PARD3B: variants seen among roughly 807,000 people sequenced by gnomAD.
The protein encoded by PARD3B is par-3 family cell polarity regulator beta, also known as partitioning defective 3 homolog B.
In PARD3B, 103 loss-of-function variants were observed where a neutral mutation model predicts 130.2. The observed-to-expected ratio is 0.79, with a 90% CI of 0.67 to 0.93. The LOEUF is 0.93. Ranked by LOEUF, PARD3B falls within the 40% of genes least tolerant of loss-of-function variation. The pLI, the probability that PARD3B is intolerant of heterozygous loss-of-function variation, is 0.00. For missense variants in PARD3B, 1,609 were observed against 1,499.2 expected, an observed-to-expected ratio of 1.07 and a Z score of -1.21; for synonymous variants, 583 against 553.2, an observed-to-expected ratio of 1.05 and a Z score of -0.76.
intron 18 of PARD3B, among the ~76,000 whole-genome samples, chr2:205,355,332 G>A (rs747658284): frequency 7.9e-5 from 12 of 152,136 alleles, no homozygotes; most frequent in Non-Finnish European, 1.2e-4. Flanking sequence ...GGATAAAAAA[G>A]TTTTGAACCA....
chr2:204,646,543 T>C (rs542901972), intron 1 of PARD3B, among the ~76,000 whole-genome samples: 1 of 152,196 alleles, frequency 6.6e-6, no homozygotes, highest in East Asian at 1.9e-4. Context: ...TGACCATTTG[T>C]GTTGTTTCTA....
At chr2:204,883,927 C>T (rs1001156673) in intron 2 of PARD3B, among the ~76,000 whole-genome samples, 7 of 151,506 alleles carry the variant, frequency 4.6e-5, no homozygotes, top group South Asian at 2.1e-4. Flanking sequence ...TTAGTAGAGA[C>T]GGGGTTTTAC....
rs1341417577 is a variant in PARD3B at position 205,352,302 on chromosome 2, A to G, written c.2631-48711A>G. 2.0e-5 allele frequency among the ~76,000 whole-genome samples: 3 copies of G among 152,202 alleles called. No individual in the cohort carries two copies. The highest frequency in any genetic ancestry group is 4.4e-5 in the Non-Finnish European group (3 of 68,032). ...TCTTTTCACTGTACAGTTATGGATT[A>G]TCTTTGCTGGCTGGATATTTATTTC... On this transcript the variant is annotated intron_variant, in intron 18 of 22. Transcript: ENST00000406610. This position sits in a 1 kb window ranked among gnomAD's most constrained non-coding sequence, Gnocchi z 5.2.
At chr2:205,184,874 A>T (rs2036005010) in intron 13 of PARD3B, among the ~76,000 whole-genome samples, 1 of 152,114 alleles carries the variant, frequency 6.6e-6, no homozygotes, top group African/African-American at 2.4e-5. Context: ...TGAGGCTTGG[A>T]GAAGTTGAGT....
chr2:205,228,376 T>A (rs756395198), intron 15 of PARD3B, among the ~76,000 whole-genome samples: 16 of 152,216 alleles, frequency 1.1e-4, no homozygotes, highest in Non-Finnish European at 2.2e-4. Flanking sequence ...GATATACTAT[T>A]CTAGAATAAA....
rs545409790 is a variant in PARD3B, at chr2:205,290,737, A to G, written c.2186-9793A>G. On this transcript the variant is annotated intron_variant, in intron 16 of 22. Coordinates refer to ENST00000406610, the MANE Select transcript of PARD3B (RefSeq NM_001302769.2). The stretch of plus-strand genomic sequence containing the variant: ...ATGTTTGTTTCCCCCAAAAAATCAT[A>G]CATTGAAATCCTATACCACAATATG... Among the ~76,000 whole-genome samples, 32 of 152,334 alleles carry G rather than the reference A, an allele frequency of 2.1e-4. No individual in the cohort carries two copies. In the South Asian group the frequency reaches 6.6e-3, roughly 32 times the overall value.
intron 2 of PARD3B, among the ~76,000 whole-genome samples, chr2:204,713,634 C>A (rs1283725218): frequency 1.3e-5 from 2 of 152,036 alleles, no homozygotes; most frequent in Non-Finnish European, 2.9e-5. Context: ...ATTCTAAGTA[C>A]CTCATATAAG....
chr2:205,224,397 G>GAAAGAA (rs1221276415), intron 15 of PARD3B, among the ~76,000 whole-genome samples: 10 of 117,386 alleles, frequency 8.5e-5, no homozygotes, highest in South Asian at 5.5e-4. Flanking sequence ...AAGAAAGAAA[G>GAAAGAA]AAAGAAAAAG....
At chr2:204,772,145 C>T (rs2041414339) in intron 2 of PARD3B, among the ~76,000 whole-genome samples, 2 of 151,974 alleles carry the variant, frequency 1.3e-5, no homozygotes, top group South Asian at 4.1e-4. Context: ...TTGCTTACAA[C>T]AGTAGTTATT....
intron 1 of PARD3B, among the ~76,000 whole-genome samples, chr2:204,640,914 ATT>A (rs1326456594): frequency 6.8e-6 from 1 of 147,960 alleles, no homozygotes; most frequent in African/African-American, 2.5e-5. Context: ...TTATATATAT[ATT>A]TACTATATAT....
intron 5 of PARD3B, among the ~76,000 whole-genome samples, chr2:205,106,440 C>T (rs905939668): frequency 6.6e-6 from 1 of 151,998 alleles, no homozygotes; most frequent in Non-Finnish European, 1.5e-5. Context: ...TGAGCTACCA[C>T]GCCCGGCCAA....
At chr2:205,375,594 G>T (rs1401510677) in intron 18 of PARD3B, among the ~76,000 whole-genome samples, 1 of 152,160 alleles carries the variant, frequency 6.6e-6, no homozygotes. Context: ...GTCAGTAGGA[G>T]ACTTTTGGAA....
Position 205,121,745 on chromosome 2 carries a change from C to T in PARD3B, c.961C>T (p.Pro321Ser). The T allele has an allele frequency of 3.1e-6, 5 of 1,614,096 alleles. No homozygotes were observed. Among genetic ancestry groups the T allele is most frequent in the Non-Finnish European group, 4.2e-6 (5 of 1,180,030 alleles). The change falls in exon 8 of 23, where the codon CCT becomes TCT. Residue 321 changes from proline (P) to serine (S), a missense_variant. Coordinates refer to ENST00000406610, the MANE Select transcript of PARD3B (RefSeq NM_001302769.2). The surrounding 1 kb of genome is among the most constrained non-coding windows in gnomAD (Gnocchi z 5.0). Reference protein sequence around the residue: ...DGVLKTKVPPPVHGKSGLKTA... With the variant: ...DGVLKTKVPPSVHGKSGLKTA... ...CGTTTTGAAAACCAAAGTGCCGCCT[C>T]CTGTCCATGGAAAATCGGGACTAAA... is the stretch of plus-strand genomic sequence containing the variant.
At chr2:205,557,294 G>A (rs752767916) in intron 22 of PARD3B, among the ~76,000 whole-genome samples, 1 of 152,132 alleles carries the variant, frequency 6.6e-6, no homozygotes, top group Non-Finnish European at 1.5e-5. Flanking sequence ...TAGTCATGTT[G>A]TCAACTCCCC....
In PARD3B at chr2:204,943,436, A is replaced by G. The variant is rs181373742; in HGVS notation, c.223-21716A>G. On this transcript the variant is annotated intron_variant, in intron 2 of 22. Transcript: ENST00000406610. The surrounding 1 kb of genome is among the most constrained non-coding windows in gnomAD (Gnocchi z 4.2). ...TCTCATGGAGTTCTTACTGGTCCCC[A>G]GGTTAACCTAGGGAGTTGATACAGT... Among the ~76,000 whole-genome samples, 365 of 152,066 alleles carry G rather than the reference A, an allele frequency of 2.4e-3. 1 individual carries two copies. The highest frequency in any genetic ancestry group is 3.7e-3 in the South Asian group (18 of 4,810).
At chr2:205,422,128 G>T (rs1187442158) in intron 19 of PARD3B, among the ~76,000 whole-genome samples, 1 of 152,170 alleles carries the variant, frequency 6.6e-6, no homozygotes, top group Non-Finnish European at 1.5e-5. Flanking sequence ...GATGGGGCTG[G>T]GAAGAATGCC....
intron 20 of PARD3B, among the ~76,000 whole-genome samples, chr2:205,493,724 GTATTTATT>G (rs1013265539): frequency 4.1e-3 from 62 of 15,010 alleles, no homozygotes; most frequent in African/African-American, 7.1e-3. Context: ...ATTTATGTAT[GTATTTATT>G]TATTTATTTA....
chr2:204,809,874 G>A (rs1204244713), intron 2 of PARD3B, among the ~76,000 whole-genome samples: 1 of 152,098 alleles, frequency 6.6e-6, no homozygotes, highest in East Asian at 1.9e-4. Context: ...CTATCCATGA[G>A]CATGGAATAT....
intron 2 of PARD3B, among the ~76,000 whole-genome samples, chr2:204,747,372 A>C (rs552178877): frequency 1.3e-5 from 2 of 152,294 alleles, no homozygotes; most frequent in South Asian, 4.1e-4. Flanking sequence ...TCCAACTTAC[A>C]AGGGATGTGA....
Sources: allele counts gnomAD v4.1 joint callset (sites outside exome capture counted in the v4.1 genomes callset), GRCh38; gene constraint gnomAD v4.1.1; non-coding constraint Gnocchi (gnomAD v3.1); transcripts MANE v1.5; gene names NCBI Gene and HGNC (gene_info 2026-07-23, HGNC 2026-07-21).